The following KDM4C variants were observed in gnomAD, a reference collection of about 807,000 sequenced individuals.
KDM4C encodes lysine-specific demethylase 4C.
A neutral mutation model predicts 129.3 loss-of-function variants in KDM4C; 81 were observed. The observed-to-expected ratio is 0.63, with a 90% CI of 0.52 to 0.75. The LOEUF (loss-of-function observed/expected upper bound fraction) is 0.75. KDM4C is among the 30% of genes least tolerant of loss of function. KDM4C has a pLI of 0.00. For synonymous variants in KDM4C, 573 were observed against 456.1 expected (o/e 1.26, Z -3.26); for missense variants, 1,457 against 1,304.0 (o/e 1.12, Z -1.81).
chr9:7,087,853 A>G (rs895736541), intron 17 of KDM4C, among the ~76,000 whole-genome samples: 11 of 152,230 alleles, frequency 7.2e-5, no homozygotes, highest in African/African-American at 2.4e-4. Context: ...TAAACTTATG[A>G]TGAGAAATTT....
intron 2 of KDM4C, among the ~76,000 whole-genome samples, chr9:6,794,019 T>G (rs1179491007): frequency 6.6e-6 from 1 of 152,218 alleles, no homozygotes; most frequent in Non-Finnish European, 1.5e-5. Context: ...TCATATGCAT[T>G]AAGCAGTCAT....
At chr9:7,161,206 C>T (rs1028755341) in intron 19 of KDM4C, among the ~76,000 whole-genome samples, 8 of 152,212 alleles carry the variant, frequency 5.3e-5, no homozygotes, top group East Asian at 1.9e-4. Context: ...TTGGGGCAGG[C>T]GTGTCCCATT....
chr9:6,753,865 ATTCT>A (rs1174285697), upstream of KDM4C, among the ~76,000 whole-genome samples: 1 of 142,640 alleles, frequency 7.0e-6, no homozygotes, highest in African/African-American at 2.6e-5. Context: ...CTATCATTGA[ATTCT>A]TTTTTTTTTT....
intron 15 of KDM4C, among the ~76,000 whole-genome samples, chr9:7,041,504 A>C (rs191982392): frequency 6.6e-6 from 1 of 151,758 alleles, no homozygotes; most frequent in Non-Finnish European, 1.5e-5. Flanking sequence ...CTGTTGAATG[A>C]AATCAACATT....
At chr9:7,084,154 C>G (rs547392299) in intron 17 of KDM4C, among the ~76,000 whole-genome samples, 1 of 152,298 alleles carries the variant, frequency 6.6e-6, no homozygotes, top group South Asian at 2.1e-4. Flanking sequence ...ATCATGAGCT[C>G]TGGGCTTCTA....
intron 18 of KDM4C, among the ~76,000 whole-genome samples, chr9:7,121,726 T>C (rs537641123): frequency 6.6e-6 from 1 of 152,076 alleles, no homozygotes; most frequent in Non-Finnish European, 1.5e-5. Context: ...GTGGATATAT[T>C]GGGGAAAGTA....
intron 8 of KDM4C, among the ~76,000 whole-genome samples, chr9:6,939,292 C>T (rs1190260309): frequency 6.6e-6 from 1 of 152,064 alleles, no homozygotes; most frequent in East Asian, 2.0e-4. Flanking sequence ...ATCTAGGTTG[C>T]ATGCTCCTCA....
intron 15 of KDM4C, among the ~76,000 whole-genome samples, chr9:7,025,426 C>CTCTTCCTT (rs1463690481): frequency 4.3e-4 from 65 of 152,210 alleles, no homozygotes; most frequent in African/African-American, 1.4e-3. Flanking sequence ...TTGTGGTCTT[C>CTCTTCCTT]TCTTCCTTTC....
At chr9:6,895,308 C>G (rs914770909) in intron 8 of KDM4C, among the ~76,000 whole-genome samples, 4 of 152,190 alleles carry the variant, frequency 2.6e-5, no homozygotes, top group East Asian at 1.9e-4. Context: ...GGGAAGAATT[C>G]ATTTCCTTGC....
At chr9:6,794,035 A>C (rs1316373936) in intron 2 of KDM4C, among the ~76,000 whole-genome samples, 1 of 152,158 alleles carries the variant, frequency 6.6e-6, no homozygotes. Context: ...GTCATTCTCC[A>C]TTCCCTGCTA....
At chr9:7,074,387 G>A (rs1291126618) in intron 17 of KDM4C, among the ~76,000 whole-genome samples, 2 of 151,948 alleles carry the variant, frequency 1.3e-5, no homozygotes, top group Non-Finnish European at 2.9e-5. Context: ...GGGTGATCTC[G>A]AACTCCTGAC....
intron 8 of KDM4C, among the ~76,000 whole-genome samples, chr9:6,909,525 GGTCTTTGCCACT>G (rs1312069900): frequency 6.6e-6 from 1 of 152,036 alleles, no homozygotes; most frequent in Non-Finnish European, 1.5e-5. Context: ...AGGGTAGGTG[GGTCTTTGCCACT>G]GTCTGATGTT....
intron 4 of KDM4C, chr9:6,834,886 C>G (rs1473912440): frequency 1.5e-6 from 2 of 1,292,336 alleles, no homozygotes; most frequent in African/African-American, 2.9e-5. Flanking sequence ...CCCTGTACTT[C>G]TTTGGCTGTA....
intron 17 of KDM4C, among the ~76,000 whole-genome samples, chr9:7,088,711 C>T (rs1278410557): frequency 1.3e-5 from 2 of 152,120 alleles, no homozygotes; most frequent in Non-Finnish European, 2.9e-5. Flanking sequence ...TTTCCTGTGT[C>T]TCAACAAGAT....
chr9:6,976,864 G>A (rs959217108), intron 8 of KDM4C, among the ~76,000 whole-genome samples: 1 of 151,222 alleles, frequency 6.6e-6, no homozygotes, highest in Admixed American at 6.6e-5. Context: ...TACATTTTTG[G>A]TGGCTACTGT....
At chr9:6,836,026 C>G (rs60282754) in intron 4 of KDM4C, among the ~76,000 whole-genome samples, 9,133 of 152,158 alleles carry the variant, frequency 0.06, 368 homozygotes, top group East Asian at 0.15. Context: ...TTTGAATGAT[C>G]AGCCTTCGTG....
intron 19 of KDM4C, among the ~76,000 whole-genome samples, chr9:7,147,406 C>CT (rs1006417952): frequency 6.6e-6 from 1 of 152,150 alleles, no homozygotes; most frequent in African/African-American, 2.4e-5. Context: ...TTTCATCTTT[C>CT]TTTTTTTAGC....
intron 1 of KDM4C, among the ~76,000 whole-genome samples, chr9:6,721,675 G>A (rs1436136207): frequency 2.0e-5 from 3 of 147,446 alleles, no homozygotes; most frequent in Admixed American, 7.0e-5. Context: ...TGCAACCTCC[G>A]CCTCCCGGGT....
chr9:6,927,353 C>A (rs1822819055), intron 8 of KDM4C, among the ~76,000 whole-genome samples: 1 of 152,184 alleles, frequency 6.6e-6, no homozygotes, highest in African/African-American at 2.4e-5. Context: ...TAGTCTCGAA[C>A]TTCGGGCCTC....
Sources: allele counts gnomAD v4.1 joint callset (sites outside exome capture counted in the v4.1 genomes callset), GRCh38; gene constraint gnomAD v4.1.1; transcripts MANE v1.5; gene names NCBI Gene and HGNC (gene_info 2026-07-23, HGNC 2026-07-21).